CACNA1D: variants seen among roughly 807,000 people sequenced by gnomAD.
CACNA1D encodes voltage-dependent L-type calcium channel subunit alpha-1D.
CACNA1D carries 55 observed loss-of-function variants against 257.1 expected under a neutral mutation model. The observed-to-expected ratio is 0.21, with a 90% CI of 0.17 to 0.27. The LOEUF is 0.27. Ranked by LOEUF, CACNA1D falls within the 10% of genes least tolerant of loss-of-function variation. The pLI is 1.00. For missense variants in CACNA1D, 1,876 were observed against 2,784.0 expected, an observed-to-expected ratio of 0.67 and a Z score of 7.34; for synonymous variants, 980 against 1,014.9, an observed-to-expected ratio of 0.97 and a Z score of 0.65.
chr3:53,736,189 A>C (rs1214452931), intron 20 of CACNA1D, among the ~76,000 whole-genome samples: 1 of 152,064 alleles, frequency 6.6e-6, no homozygotes, highest in Non-Finnish European at 1.5e-5. Flanking sequence ...AAAATAAAAA[A>C]AATTAGCTGA....
Position 53,719,798 on chromosome 3 carries a change from T to C in CACNA1D, c.1505+17T>C. 1 of 1,610,980 alleles carries C rather than the reference T, an allele frequency of 6.2e-7. No homozygotes were observed. The highest frequency in any genetic ancestry group is 1.7e-4 in the Middle Eastern group (1 of 6,056). On this transcript the variant is annotated intron_variant, in intron 11 of 47. Coordinates refer to ENST00000350061, the MANE Select transcript of CACNA1D (RefSeq NM_001128840.3). ...CAAACTCAGGTCAGTATCTTCTTTCTGTTTCTTCGTCAGCCTGTGTGTTGC... is the reference window on the plus strand; with the variant it reads ...CAAACTCAGGTCAGTATCTTCTTTCCGTTTCTTCGTCAGCCTGTGTGTTGC...
chr3:53,800,698 T>C lies in CACNA1D; in HGVS notation c.5040+333T>C. On this transcript the variant is annotated intron_variant, in intron 41 of 47. Transcript: ENST00000350061. The surrounding 1 kb of genome is among the most constrained non-coding windows in gnomAD (Gnocchi z 4.3). ...CTACCCTCCTCCTTCCCGGGCCAGCTCTTTGATCTGCCAGCTGGCTGTCAG... is the reference window on the plus strand; with the variant it reads ...CTACCCTCCTCCTTCCCGGGCCAGCCCTTTGATCTGCCAGCTGGCTGTCAG... The C allele has an allele frequency of 2.0e-6, 1 of 493,126 alleles. No homozygotes were observed. The allele number at this position is 493,126 out of a possible 1,614,324, so 30.5% of individuals were successfully genotyped here.
At chr3:53,733,832 G>A (rs894522205) in intron 19 of CACNA1D, among the ~76,000 whole-genome samples, 2 of 151,198 alleles carry the variant, frequency 1.3e-5, no homozygotes, top group African/African-American at 4.9e-5. Flanking sequence ...TGTGATGGTA[G>A]CTTTTACAGC....
intron 8 of CACNA1D, among the ~76,000 whole-genome samples, chr3:53,685,872 GAAAAA>G (rs2094469789): frequency 6.6e-6 from 1 of 151,406 alleles, no homozygotes; most frequent in Non-Finnish European, 1.5e-5. Flanking sequence ...TACTAATCTA[GAAAAA>G]GAAGACCAAA....
chr3:53,614,726 C>T (rs1232167523), intron 3 of CACNA1D, among the ~76,000 whole-genome samples: 3 of 152,188 alleles, frequency 2.0e-5, no homozygotes, highest in Non-Finnish European at 4.4e-5. Flanking sequence ...AGCTTCCATA[C>T]GTCCCTTTTG....
At chr3:53,502,326 C>T (rs761837427) in intron 3 of CACNA1D, among the ~76,000 whole-genome samples, 27 of 152,094 alleles carry the variant, frequency 1.8e-4, no homozygotes, top group Non-Finnish European at 3.5e-4. Flanking sequence ...AGGATGCTTC[C>T]ATATACTTTG....
chr3:53,582,366 C>G (rs2093146862), intron 3 of CACNA1D, among the ~76,000 whole-genome samples: 1 of 152,086 alleles, frequency 6.6e-6, no homozygotes, highest in Non-Finnish European at 1.5e-5. Flanking sequence ...GAAATTATAG[C>G]TCAGTTTATA....
intron 8 of CACNA1D, among the ~76,000 whole-genome samples, chr3:53,675,606 AG>A (rs1041714718): frequency 1.3e-5 from 2 of 152,134 alleles, no homozygotes; most frequent in African/African-American, 4.8e-5. Flanking sequence ...AAAAGAAAAG[AG>A]AAAAAGATGG....
chr3:53,776,096 A>C, intron 35 of CACNA1D, 51 bp downstream of exon 35: 2 of 1,541,486 alleles, frequency 1.3e-6, no homozygotes, highest in Non-Finnish European at 1.8e-6. Flanking sequence ...CTTATGTAGC[A>C]GTCAGCGTTC....
chr3:53,499,323 C>A (rs973692993), intron 2 of CACNA1D, among the ~76,000 whole-genome samples: 5 of 151,336 alleles, frequency 3.3e-5, no homozygotes, highest in Admixed American at 3.3e-4. Context: ...ATTTTTTTTT[C>A]TCTTTTTTTA....
chr3:53,707,531 T>A (rs1385190529), intron 9 of CACNA1D, among the ~76,000 whole-genome samples: 1 of 152,228 alleles, frequency 6.6e-6, no homozygotes, highest in Non-Finnish European at 1.5e-5. Context: ...AATTTGCTAT[T>A]AGAAAGCTGG....
At chr3:53,672,993 A>G (rs2094340445) in intron 7 of CACNA1D, 30 bp from the exon 8 acceptor site, 1 of 1,426,024 alleles carries the variant, frequency 7.0e-7, no homozygotes, top group Non-Finnish European at 9.7e-7. Flanking sequence ...TTATTAACCC[A>G]CTCCTATGAG....
intron 3 of CACNA1D, among the ~76,000 whole-genome samples, chr3:53,568,843 T>G (rs1246156156): frequency 6.6e-6 from 1 of 152,170 alleles, no homozygotes; most frequent in Non-Finnish European, 1.5e-5. Flanking sequence ...CTATTCCTCC[T>G]CTCATATTCC....
At position 53,614,396 on chromosome 3, in the gene CACNA1D, T is replaced by C. The variant is rs912025543; in HGVS notation, c.484-36383T>C. The stretch of plus-strand genomic sequence containing the variant: ...GCCAAGGGAAGATGTGGGAGATATC[T>C]CACTGGAGGCGCTCCATTTAGAAAC... On this transcript the variant is annotated intron_variant, in intron 3 of 47. Transcript: ENST00000350061. Among the ~76,000 whole-genome samples, 3 of 152,096 alleles carry C rather than the reference T, an allele frequency of 2.0e-5. 1 individual carries two copies. The South Asian group carries it at 6.2e-4, about 31-fold the overall frequency.
Position 53,813,381 on chromosome 3 carries a change from A to G in CACNA1D, c.*1975A>G, listed in dbSNP as rs14165. ...TCATTTGCCAGTGAGAGCCTCCGAC[A>G]GGGCAGGTACTGTGCCAGGGCAGCT... On this transcript the variant is annotated 3_prime_UTR_variant, in exon 48 of 48. Transcript: ENST00000350061. 117,555 of 152,212 alleles carry G rather than the reference A, an allele frequency of 0.77. 46,137 individuals carry two copies. Among genetic ancestry groups the G allele is most frequent in the East Asian group, 1 (5,171 of 5,184 alleles). The allele number at this position is 152,212 out of a possible 1,614,324, so 9.4% of individuals were successfully genotyped here.
At chr3:53,515,607 G>A (rs563247255) in intron 3 of CACNA1D, among the ~76,000 whole-genome samples, 1 of 152,284 alleles carries the variant, frequency 6.6e-6, no homozygotes, top group East Asian at 1.9e-4. Flanking sequence ...CTGCCACACT[G>A]TGTTCCTCGT....
At chr3:53,653,079 CCT>C (rs1206708267) in intron 4 of CACNA1D, among the ~76,000 whole-genome samples, 1 of 152,158 alleles carries the variant, frequency 6.6e-6, no homozygotes, top group East Asian at 1.9e-4. Flanking sequence ...GGTGAAACCC[CCT>C]GTCTACTAAA....
chr3:53,502,545 A>G lies in CACNA1D; in HGVS notation c.483+825A>G, dbSNP rs959908674. The stretch of plus-strand genomic sequence containing the variant: ...GGAACTTCCTTTGGGAAAGGTTGAT[A>G]TAGTTTTTTTTTTAAAAAAAAAGCA... On this transcript the variant is annotated intron_variant, in intron 3 of 47. Coordinates refer to ENST00000350061, the MANE Select transcript of CACNA1D (RefSeq NM_001128840.3). Among the ~76,000 whole-genome samples the G allele has an allele frequency of 2.7e-5, 4 of 150,430 alleles. No individual in the cohort carries two copies. The South Asian group carries it at 6.3e-4, about 24-fold the overall frequency.
intron 3 of CACNA1D, among the ~76,000 whole-genome samples, chr3:53,643,962 C>G (rs1206641954): frequency 6.6e-6 from 1 of 152,204 alleles, no homozygotes; most frequent in Non-Finnish European, 1.5e-5. Context: ...TTTCCTGGAA[C>G]AGAGCAAAAC....
Sources: gnomAD v4.1 joint callset for allele counts (sites outside exome capture counted in the v4.1 genomes callset) on GRCh38, gnomAD v4.1.1 for gene constraint, Gnocchi (gnomAD v3.1) non-coding constraint, MANE v1.5 for transcripts, NCBI Gene and HGNC (gene_info 2026-07-23, HGNC 2026-07-21) for gene names.